Variants in PAX5 observed in about 807,000 individuals in gnomAD.
PAX5 encodes the protein paired box protein Pax-5.
A neutral mutation model predicts 43.7 loss-of-function variants in PAX5; 9 were observed. That is an observed-to-expected ratio of 0.21 (90% CI 0.12 to 0.36). PAX5 has a LOEUF of 0.36. PAX5 is among the 10% of genes least tolerant of loss of function. PAX5 has a pLI of 1.00. For missense variants in PAX5, 383 were observed against 532.7 expected, an observed-to-expected ratio of 0.72 and a Z score of 2.77; for synonymous variants, 228 against 214.3, an observed-to-expected ratio of 1.06 and a Z score of -0.56.
intron 7 of PAX5, among the ~76,000 whole-genome samples, chr9:36,907,199 T>C (rs1015411162): frequency 3.9e-5 from 6 of 152,190 alleles, no homozygotes; most frequent in African/African-American, 1.4e-4. Context: ...GTGCCTGTGT[T>C]TTAAAGAGTA....
chr9:36,920,663 A>G (rs1380368551), intron 7 of PAX5, among the ~76,000 whole-genome samples: 1 of 152,166 alleles, frequency 6.6e-6, no homozygotes, highest in Admixed American at 6.5e-5. Flanking sequence ...TTGGCTTTAT[A>G]TTTACCAGTT....
At chr9:37,018,876 G>A (rs1337227774) in intron 2 of PAX5, among the ~76,000 whole-genome samples, 1 of 152,168 alleles carries the variant, frequency 6.6e-6, no homozygotes, top group African/African-American at 2.4e-5. Context: ...GGGAGATTTG[G>A]AGGCTCCAGA....
At position 37,034,104 on chromosome 9, in the gene PAX5, T is replaced by TTC; in HGVS notation, c.-74_-73insGA. ...TTTTTGTGCCTTTTTTTTTCTTTTT[T>TTC]TTTTTTTTTTTTTTTTTTTTTTGGT... On this transcript the variant is annotated 5_prime_UTR_variant, in exon 1 of 10. Coordinates refer to ENST00000358127, the MANE Select transcript of PAX5 (RefSeq NM_016734.3). The TTC allele has an allele frequency of 1.6e-6, 1 of 645,026 alleles. No individual in the cohort carries two copies. Among genetic ancestry groups the TTC allele is most frequent in the Non-Finnish European group, 2.5e-6 (1 of 407,526 alleles). 40.0% of individuals were successfully genotyped at this position (645,026 alleles called of 1,614,324 possible). A position where few individuals can be genotyped will look rare whatever the true frequency, so the allele number is the denominator to read the frequency against.
At chr9:36,941,025 G>A (rs1428858723) in intron 6 of PAX5, among the ~76,000 whole-genome samples, 2 of 152,222 alleles carry the variant, frequency 1.3e-5, no homozygotes, top group African/African-American at 2.4e-5. Flanking sequence ...AGCTGCTGCT[G>A]GTGAGCAACA....
intron 6 of PAX5, among the ~76,000 whole-genome samples, chr9:36,937,653 G>C (rs545975104): frequency 6.6e-6 from 1 of 152,200 alleles, no homozygotes; most frequent in East Asian, 1.9e-4. Context: ...TTTCCCCGCC[G>C]GGCGCCCTCT....
At chr9:36,974,948 C>T (rs1053783782) in intron 5 of PAX5, among the ~76,000 whole-genome samples, 2 of 152,138 alleles carry the variant, frequency 1.3e-5, no homozygotes, top group South Asian at 4.1e-4. Flanking sequence ...CCCCAGTGCC[C>T]CTGGACATTC....
At chr9:36,967,393 T>G (rs1029503669) in intron 5 of PAX5, among the ~76,000 whole-genome samples, 1 of 152,188 alleles carries the variant, frequency 6.6e-6, no homozygotes, top group Admixed American at 6.5e-5. Flanking sequence ...TGAGAAGTGA[T>G]GTATGTACAA....
Position 36,974,803 on chromosome 9 carries a change from G to C in PAX5, c.605-8079C>G, listed in dbSNP as rs186601149. Among the ~76,000 whole-genome samples the C allele has an allele frequency of 4.2e-3, 646 of 152,028 alleles. 3 individuals are homozygous for C. The highest frequency in any genetic ancestry group is 0.015 in the African/African-American group (614 of 41,448). ...TTTTCATCAAGAAAACCCTTCCAAG[G>C]CTCCCCGGGGACAAAGCCTGAGCCC... On this transcript the variant is annotated intron_variant, in intron 5 of 9. Coordinates refer to ENST00000358127, the MANE Select transcript of PAX5 (RefSeq NM_016734.3).
intron 7 of PAX5, among the ~76,000 whole-genome samples, chr9:36,898,464 C>A (rs1423422420): frequency 6.6e-6 from 1 of 152,140 alleles, no homozygotes; most frequent in Non-Finnish European, 1.5e-5. Flanking sequence ...GGTCTCCGGG[C>A]CCCAGAACCC....
At chr9:36,896,227 G>A (rs1028786783) in intron 7 of PAX5, among the ~76,000 whole-genome samples, 1 of 152,028 alleles carries the variant, frequency 6.6e-6, no homozygotes, top group Non-Finnish European at 1.5e-5. Flanking sequence ...TCTTGTAAAG[G>A]GACTGAGGCC....
chr9:36,893,258 C>T (rs1827555029), intron 7 of PAX5, among the ~76,000 whole-genome samples: 1 of 152,370 alleles, frequency 6.6e-6, no homozygotes, highest in African/African-American at 2.4e-5. Flanking sequence ...AGGCCAGTGT[C>T]ATGGCAGGAA....
At chr9:37,029,356 A>C (rs1194635447) in intron 1 of PAX5, among the ~76,000 whole-genome samples, 1 of 152,176 alleles carries the variant, frequency 6.6e-6, no homozygotes, top group African/African-American at 2.4e-5. Context: ...CCTGACCAGT[A>C]GACAAGTTTC....
chr9:37,022,213 G>A (rs1390759151), intron 1 of PAX5, among the ~76,000 whole-genome samples: 7 of 152,206 alleles, frequency 4.6e-5, no homozygotes, highest in Admixed American at 1.3e-4. Context: ...CTTAGTTGCA[G>A]TTCTAAGCTG....
intron 6 of PAX5, among the ~76,000 whole-genome samples, chr9:36,962,576 C>T (rs996922736): frequency 6.6e-6 from 1 of 150,926 alleles, no homozygotes; most frequent in Non-Finnish European, 1.5e-5. Flanking sequence ...TCGTCACGTT[C>T]GGTTTCGGCT....
At position 37,015,540 on chromosome 9, in the gene PAX5, T is replaced by C. The variant is rs1839310067; in HGVS notation, c.213-346A>G. Among the ~76,000 whole-genome samples the C allele has an allele frequency of 6.6e-6, 1 of 152,138 alleles. No homozygotes were observed. Among genetic ancestry groups the C allele is most frequent in the Non-Finnish European group, 1.5e-5 (1 of 68,020 alleles). ...TTTTTTTTAACTTTTCTTAATGTGC[T>C]GCTGGAAAATTTTAAATTGCATACA... On this transcript the variant is annotated intron_variant, in intron 2 of 9. Coordinates refer to ENST00000358127, the MANE Select transcript of PAX5 (RefSeq NM_016734.3). The surrounding 1 kb of genome is among the most constrained non-coding windows in gnomAD (Gnocchi z 4.4).
At chr9:36,987,282 T>A (rs138965595) in intron 5 of PAX5, among the ~76,000 whole-genome samples, 3 of 152,174 alleles carry the variant, frequency 2.0e-5, no homozygotes, top group African/African-American at 7.2e-5. Context: ...GTTATGGAAT[T>A]CTCACAGTAA....
chr9:37,026,169 G>C (rs1840340223), intron 1 of PAX5, among the ~76,000 whole-genome samples: 1 of 152,242 alleles, frequency 6.6e-6, no homozygotes, highest in Non-Finnish European at 1.5e-5. Context: ...GTGGGGCGCT[G>C]TCTGAGACTC....
At chr9:37,002,206 C>G (rs1464377361) in intron 5 of PAX5, among the ~76,000 whole-genome samples, 1 of 152,198 alleles carries the variant, frequency 6.6e-6, no homozygotes, top group East Asian at 1.9e-4. Context: ...TCAGAGAACC[C>G]ACCCCTCCGC....
intron 9 of PAX5, 101 bp from the exon 10 acceptor site, chr9:36,840,737 C>T (rs1356119799): frequency 2.9e-6 from 2 of 700,374 alleles, no homozygotes; most frequent in East Asian, 2.8e-5. Context: ...GTCCGGGCCA[C>T]CATCCTCTCT....
Sources: allele counts gnomAD v4.1 joint callset (sites outside exome capture counted in the v4.1 genomes callset), GRCh38; gene constraint gnomAD v4.1.1; non-coding constraint Gnocchi (gnomAD v3.1); transcripts MANE v1.5; gene names NCBI Gene and HGNC (gene_info 2026-07-23, HGNC 2026-07-21).